MAST2: variants seen among roughly 807,000 people sequenced by gnomAD.
MAST2 encodes microtubule-associated serine/threonine-protein kinase 2.
MAST2 carries 70 observed loss-of-function variants against 147.4 expected under a neutral mutation model. The observed-to-expected ratio is 0.47, with a 90% CI of 0.39 to 0.58. The LOEUF (loss-of-function observed/expected upper bound fraction) is 0.58, where lower values mean the gene tolerates loss of function less well. MAST2 is among the 20% of genes least tolerant of loss of function. MAST2 has a pLI of 0.00. For synonymous variants in MAST2, 869 were observed against 896.8 expected, an observed-to-expected ratio of 0.97 and a Z score of 0.55; for missense variants, 2,080 against 2,302.3, an observed-to-expected ratio of 0.90 and a Z score of 1.98.
chr1:45,952,897 A>G (rs990626452), intron 4 of MAST2, among the ~76,000 whole-genome samples: 2 of 152,228 alleles, frequency 1.3e-5, no homozygotes, highest in African/African-American at 4.8e-5. Context: ...AGATCCCAAG[A>G]GGGAATGTTA....
intron 28 of MAST2, 100 bp downstream of exon 28, chr1:46,034,366 T>C (rs1395045765): frequency 7.2e-7 from 1 of 1,396,180 alleles, no homozygotes. Context: ...GTCTCTCATT[T>C]AGCCCACCCC....
chr1:45,946,090 A>G (rs906646595), intron 4 of MAST2, among the ~76,000 whole-genome samples: 2 of 152,222 alleles, frequency 1.3e-5, no homozygotes, highest in African/African-American at 4.8e-5. Flanking sequence ...TAATTCTCCA[A>G]ATAATAAACA....
At position 46,028,895 on chromosome 1, in the gene MAST2, G is replaced by C; in HGVS notation, c.2180G>C (p.Gly727Ala). The C allele has an allele frequency of 6.2e-7, 1 of 1,610,808 alleles. No individual in the cohort carries two copies. Among genetic ancestry groups the C allele is most frequent in the East Asian group, 2.2e-5 (1 of 44,872 alleles). The change falls in exon 18 of 29, where the codon GGA becomes GCA. Residue 727 changes from glycine (G) to alanine (A), a missense_variant. Gly to Ala is a moderately conservative substitution (Grantham distance 60). Transcript: ENST00000361297. ...EFLVGCVPFF[G>A]DTPEELFGQV... ...CTGGTGGGCTGCGTCCCTTTTTTTG[G>C]AGATACTCCGGAGGAGCTCTTTGGG... is the stretch of plus-strand genomic sequence containing the variant.
chr1:45,991,792 ACAAT>A (rs1644864115), intron 5 of MAST2, among the ~76,000 whole-genome samples: 1 of 152,222 alleles, frequency 6.6e-6, no homozygotes, highest in Non-Finnish European at 1.5e-5. Context: ...TTCTACATAG[ACAAT>A]CATGTCATCT....
chr1:45,903,344 G>T (rs1265899708), intron 4 of MAST2, among the ~76,000 whole-genome samples: 2 of 151,856 alleles, frequency 1.3e-5, no homozygotes, highest in Admixed American at 1.3e-4. Context: ...TGCCCAGGCT[G>T]GTCTCAAACT....
At chr1:45,868,994 G>A (rs1422309904) in intron 3 of MAST2, among the ~76,000 whole-genome samples, 1 of 152,094 alleles carries the variant, frequency 6.6e-6, no homozygotes, top group East Asian at 1.9e-4. Flanking sequence ...TGGCTTTGAA[G>A]GTTAAGGAAT....
Position 45,810,339 on chromosome 1 carries a change from C to T in MAST2, c.177+6267C>T, listed in dbSNP as rs564164123. On this transcript the variant is annotated intron_variant, in intron 1 of 28. Coordinates refer to ENST00000361297, the MANE Select transcript of MAST2 (RefSeq NM_015112.3). ...ATCAGAACCTCTTTCCTCTGCATTA[C>T]AGGGTTAGTACATTGGGAAAAGCAT... 2.0e-5 allele frequency among the ~76,000 whole-genome samples: 3 copies of T among 152,186 alleles called. No homozygotes were observed. In the South Asian group the frequency reaches 6.2e-4, roughly 32 times the overall value.
Position 46,032,387 on chromosome 1 carries a change from G to A in MAST2, c.3397G>A (p.Val1133Met), listed in dbSNP as rs768366743. The change falls in exon 25 of 29, where the codon GTG becomes ATG. Residue 1133 changes from valine to methionine, a missense_variant. Val to Met is a conservative substitution (Grantham distance 21). This residue lies in a region of MAST2 where 1,278 missense variants were observed against 1,304.2 expected (regional missense o/e 0.98). Coordinates refer to ENST00000361297, the MANE Select transcript of MAST2 (RefSeq NM_015112.3). Reference protein sequence around the residue: ...VYMGDSDVYTVHHMVWHVEDG... With the variant: ...VYMGDSDVYTMHHMVWHVEDG... ...CATGGGTGACTCCGATGTCTACACC[G>A]TGCACCATATGGTGTGGGTATGTCT... 86 of 1,613,894 alleles carry A rather than the reference G, an allele frequency of 5.3e-5. No individual in the cohort carries two copies. The highest frequency in any genetic ancestry group is 2.5e-4 in the East Asian group (11 of 44,892).
Position 46,006,243 on chromosome 1 carries a change from A to T in MAST2, c.750A>T (p.Ser250=). ...CTTCTTAATGTTTTCCCCTCTAGTC[A>T]TCATGCTCCTCACAGGAAAAGCTGC... ...GTNTPSSTVS[S]SCSSQEKLHQ... The change falls in exon 8 of 29, where the codon TCA becomes TCT. Residue 250 remains serine (S), a splice_region_variant and synonymous_variant. Coordinates refer to ENST00000361297, the MANE Select transcript of MAST2 (RefSeq NM_015112.3). The T allele has an allele frequency of 6.2e-7, 1 of 1,612,600 alleles. No individual in the cohort carries two copies. Among genetic ancestry groups the T allele is most frequent in the Non-Finnish European group, 8.5e-7 (1 of 1,179,098 alleles).
chr1:46,016,443 G>T (rs1376377527), intron 10 of MAST2, among the ~76,000 whole-genome samples: 10 of 150,450 alleles, frequency 6.6e-5, no homozygotes, highest in Admixed American at 3.3e-4. Context: ...CATTGTCTCA[G>T]CCCAAAATCT....
chr1:45,854,709 G>GT (rs1452645408), intron 3 of MAST2, among the ~76,000 whole-genome samples: 4 of 151,798 alleles, frequency 2.6e-5, no homozygotes, highest in Non-Finnish European at 4.4e-5. Flanking sequence ...ACATTTATGG[G>GT]TTTTTTTTCC....
At chr1:45,827,394 A>G (rs1381260075) in intron 2 of MAST2, among the ~76,000 whole-genome samples, 1 of 152,112 alleles carries the variant, frequency 6.6e-6, no homozygotes, top group African/African-American at 2.4e-5. Flanking sequence ...GGTATGCTTC[A>G]GTCTTTACTG....
At chr1:45,931,739 C>T (rs527375327) in intron 4 of MAST2, among the ~76,000 whole-genome samples, 1 of 152,122 alleles carries the variant, frequency 6.6e-6, no homozygotes, top group Admixed American at 6.5e-5. Context: ...GGTGATCCGC[C>T]CACCTCAGCC....
intron 3 of MAST2, among the ~76,000 whole-genome samples, chr1:45,846,104 A>G (rs913258207): frequency 1.5e-5 from 2 of 130,828 alleles, no homozygotes; most frequent in African/African-American, 6.1e-5. Context: ...GGAGATCAAC[A>G]TAACAATCAT....
At chr1:45,941,243 G>GT in intron 4 of MAST2, among the ~76,000 whole-genome samples, 1 of 152,002 alleles carries the variant, frequency 6.6e-6, no homozygotes, top group East Asian at 1.9e-4. Flanking sequence ...TTTATTAGGT[G>GT]TTTTTGTTTT....
chr1:45,942,442 TG>T (rs1657437251), intron 4 of MAST2, among the ~76,000 whole-genome samples: 1 of 152,224 alleles, frequency 6.6e-6, no homozygotes, highest in Admixed American at 6.5e-5. Context: ...TGTATTCATG[TG>T]GGAAAACTCA....
intron 3 of MAST2, among the ~76,000 whole-genome samples, chr1:45,841,141 G>T (rs1298085262): frequency 6.6e-6 from 1 of 151,770 alleles, no homozygotes; most frequent in African/African-American, 2.4e-5. Flanking sequence ...GGGGTTGGGG[G>T]TGGGGGCTCC....
intron 1 of MAST2, among the ~76,000 whole-genome samples, chr1:45,809,515 C>T (rs777039923): frequency 3.9e-5 from 6 of 152,046 alleles, no homozygotes; most frequent in Admixed American, 1.3e-4. Flanking sequence ...TGGTGGTGCG[C>T]GCCTGTGGGC....
Position 45,962,340 on chromosome 1 carries a change from C to T in MAST2, c.592+2863C>T, listed in dbSNP as rs57487594. On this transcript the variant is annotated intron_variant, in intron 5 of 28. Coordinates refer to ENST00000361297, the MANE Select transcript of MAST2 (RefSeq NM_015112.3). ...TTCTAGTTCTAGATCCCTGAGGAAT[C>T]GCCACACTGACTTCCACAATGGTTG... 6.7e-3 allele frequency among the ~76,000 whole-genome samples: 1,015 copies of T among 151,946 alleles called. 13 individuals are homozygous for T. The highest frequency in any genetic ancestry group is 0.023 in the African/African-American group (974 of 41,464).
Sources: allele counts gnomAD v4.1 joint callset (sites outside exome capture counted in the v4.1 genomes callset), GRCh38; gene constraint gnomAD v4.1.1; regional missense constraint gnomAD v4.1.1; transcripts MANE v1.5; gene names NCBI Gene and HGNC (gene_info 2026-07-23, HGNC 2026-07-21).